The following KLRG1 variants were observed in gnomAD, a reference collection of about 807,000 sequenced individuals.
KLRG1 encodes the protein killer cell lectin-like receptor subfamily G member 1.
In KLRG1, 16 loss-of-function variants were observed where a neutral mutation model predicts 21.8. That is an observed-to-expected ratio of 0.73 (90% confidence interval 0.50 to 1.11). KLRG1 has a LOEUF of 1.11. Ranked by LOEUF, KLRG1 falls within the 50% of genes most tolerant of loss-of-function variation. The pLI, the probability that KLRG1 is intolerant of heterozygous loss-of-function variation, is 0.00. For synonymous variants in KLRG1, 69 were observed against 75.9 expected, an observed-to-expected ratio of 0.91 and a Z score of 0.47; for missense variants, 173 against 218.3, an observed-to-expected ratio of 0.79 and a Z score of 1.31.
At chr12:8,967,267 A>G (rs1229266226) in intron 1 of KLRG1, among the ~76,000 whole-genome samples, 5 of 152,006 alleles carry the variant, frequency 3.3e-5, no homozygotes, top group Middle Eastern at 3.4e-3. Flanking sequence ...GCACACCAAC[A>G]TGGCACATGT....
chr12:9,130,076 A>G, the KLRG1 span, among the ~76,000 whole-genome samples: 1 of 152,066 alleles, frequency 6.6e-6, no homozygotes, highest in African/African-American at 2.4e-5. Flanking sequence ...AGTATTTGTC[A>G]TTTTGTGACT....
chr12:9,076,439 CTCT>C, the KLRG1 span, among the ~76,000 whole-genome samples: 1 of 152,202 alleles, frequency 6.6e-6, no homozygotes, highest in African/African-American at 2.4e-5. Flanking sequence ...CCAGAGAATG[CTCT>C]TCTTACCAGC....
At chr12:9,181,501 C>T in the KLRG1 span, among the ~76,000 whole-genome samples, 1 of 152,268 alleles carries the variant, frequency 6.6e-6, no homozygotes, top group African/African-American at 2.4e-5. Context: ...TTAATTTACT[C>T]ACTCTTTTAA....
chr12:8,991,667 G>A (rs776102781), intron 1 of KLRG1, among the ~76,000 whole-genome samples: 13 of 148,508 alleles, frequency 8.8e-5, no homozygotes, highest in Admixed American at 2.7e-4. Context: ...TAAAAAAAAA[G>A]CCAGTTTTTA....
the KLRG1 span, among the ~76,000 whole-genome samples, chr12:9,019,370 A>G: frequency 1.3e-5 from 2 of 152,228 alleles, no homozygotes; most frequent in East Asian, 1.9e-4. Flanking sequence ...AGTTTCCTCA[A>G]AAAACTGAAA....
the KLRG1 span, chr12:9,158,678 A>G: frequency 8.7e-7 from 1 of 1,153,932 alleles, no homozygotes; most frequent in Non-Finnish European, 1.2e-6. Context: ...CACCCAAGAA[A>G]GTCAATCAGC....
chr12:9,095,017 T>A, the KLRG1 span: 1 of 1,594,488 alleles, frequency 6.3e-7, no homozygotes, highest in South Asian at 1.2e-5. Context: ...CATTTCATAC[T>A]GTTGAAGCTG....
the KLRG1 span, among the ~76,000 whole-genome samples, chr12:9,114,698 T>G: frequency 6.7e-6 from 1 of 149,548 alleles, no homozygotes; most frequent in South Asian, 2.1e-4. Context: ...TGTATACTTA[T>G]GTTCACATAT....
the KLRG1 span, chr12:9,169,382 A>C: frequency 3.4e-6 from 5 of 1,471,628 alleles, no homozygotes; most frequent in Non-Finnish European, 4.6e-6. Context: ...TTTTATTAAC[A>C]TTCAAAAACT....
the KLRG1 span, among the ~76,000 whole-genome samples, chr12:9,143,010 A>C: frequency 6.6e-6 from 1 of 152,238 alleles, no homozygotes; most frequent in Non-Finnish European, 1.5e-5. Flanking sequence ...TTTTCCAGGA[A>C]AACAAGATTT....
chr12:8,971,869 A>T (rs989375466), intron 1 of KLRG1, among the ~76,000 whole-genome samples: 1 of 152,222 alleles, frequency 6.6e-6, no homozygotes, highest in African/African-American at 2.4e-5. Context: ...AAAAGAAAAA[A>T]GTTTTGTATC....
the KLRG1 span, among the ~76,000 whole-genome samples, chr12:9,129,618 G>T: frequency 6.6e-6 from 1 of 151,854 alleles, no homozygotes; most frequent in African/African-American, 2.4e-5. Flanking sequence ...CTGTCGCCCA[G>T]GCTAGAGTGC....
the KLRG1 span, among the ~76,000 whole-genome samples, chr12:9,163,232 C>T: frequency 6.7e-6 from 1 of 149,628 alleles, no homozygotes; most frequent in African/African-American, 2.5e-5. Context: ...AAGGGAGGAT[C>T]ACGAGGTCAG....
At chr12:9,079,492 G>A in the KLRG1 span, 2 of 1,032,914 alleles carry the variant, frequency 1.9e-6, no homozygotes, top group Non-Finnish European at 2.9e-6. Context: ...AGGTTGGAGA[G>A]TGGATAGTTT....
chr12:9,068,314 A>C, the KLRG1 span: 2 of 1,374,320 alleles, frequency 1.5e-6, no homozygotes, highest in Non-Finnish European at 2.0e-6. Flanking sequence ...CCAAGGAAGG[A>C]GTTTGTTGTG....
the KLRG1 span, among the ~76,000 whole-genome samples, chr12:9,185,194 G>A: frequency 7.2e-5 from 11 of 152,184 alleles, no homozygotes; most frequent in African/African-American, 2.7e-4. Flanking sequence ...ATAAAATGAT[G>A]CAGAAGCTGA....
chr12:9,116,021 T>C, the KLRG1 span: 1 of 666,612 alleles, frequency 1.5e-6, no homozygotes, highest in Non-Finnish European at 2.8e-6. Flanking sequence ...CTGAACATTC[T>C]CTGGAAAGGT....
the KLRG1 span, chr12:9,027,830 T>G: frequency 9.2e-7 from 1 of 1,090,548 alleles, no homozygotes; most frequent in Non-Finnish European, 1.4e-6. Context: ...CCATGAAGTT[T>G]TCTCCACTAC....
the KLRG1 span, among the ~76,000 whole-genome samples, chr12:9,199,648 T>C: frequency 6.6e-6 from 1 of 152,080 alleles, no homozygotes; most frequent in Admixed American, 6.6e-5. Context: ...TTCAGCGAAA[T>C]GTCATTAAAA....
Sources: gnomAD v4.1 joint callset for allele counts (sites outside exome capture counted in the v4.1 genomes callset) on GRCh38, gnomAD v4.1.1 for gene constraint, MANE v1.5 for transcripts, NCBI Gene and HGNC (gene_info 2026-07-23, HGNC 2026-07-21) for gene names.